Variants in CREBRF observed in about 807,000 individuals in gnomAD.
The protein encoded by CREBRF is CREB3 regulatory factor, also known as UPF0474 protein C5orf41.
A neutral mutation model predicts 66.1 loss-of-function variants in CREBRF; 5 were observed. The observed-to-expected ratio is 0.08, with a 90% CI of 0.04 to 0.16. CREBRF has a LOEUF of 0.16. Among genes scored for constraint, CREBRF ranks in the 10% least tolerant of loss-of-function variants. The probability of loss-of-function intolerance (pLI) is 1.00; values close to 1 mark genes in which losing one functional copy is unlikely to be tolerated. For missense variants in CREBRF, 531 were observed against 744.9 expected (o/e 0.71, Z 3.34); for synonymous variants, 229 against 264.4 (o/e 0.87, Z 1.30).
chr5:173,115,184 G>A (rs191234053), intron 7 of CREBRF, among the ~76,000 whole-genome samples: 3 of 148,636 alleles, frequency 2.0e-5, no homozygotes, highest in Admixed American at 1.4e-4. Context: ...TCGGCTCACC[G>A]CAACCTCTGC....
At chr5:173,082,592 AAAAAAAGAAAATACT>A (rs1460992981) in intron 2 of CREBRF, among the ~76,000 whole-genome samples, 3 of 151,808 alleles carry the variant, frequency 2.0e-5, no homozygotes, top group African/African-American at 7.3e-5. Context: ...CTTGCAAAAA[AAAAAAAGAAAATACT>A]AAAAAAGAGA....
chr5:173,089,310 T>C (rs904160264), intron 3 of CREBRF, among the ~76,000 whole-genome samples: 4 of 151,910 alleles, frequency 2.6e-5, no homozygotes, highest in African/African-American at 9.7e-5. Context: ...TGCCTCCACC[T>C]TCCAAACCTT....
At chr5:173,110,948 A>C (rs1397428735) in intron 6 of CREBRF, among the ~76,000 whole-genome samples, 2 of 152,166 alleles carry the variant, frequency 1.3e-5, no homozygotes, top group African/African-American at 2.4e-5. Flanking sequence ...AACAATAAAA[A>C]ATTTTTTCAT....
intron 1 of CREBRF, among the ~76,000 whole-genome samples, chr5:173,078,168 C>T (rs1164403058): frequency 6.6e-6 from 1 of 152,196 alleles, no homozygotes; most frequent in African/African-American, 2.4e-5. Flanking sequence ...TGCAATCCTA[C>T]CAGCAAATGC....
chr5:173,104,070 T>A (rs1381375104), intron 4 of CREBRF, among the ~76,000 whole-genome samples: 1 of 152,206 alleles, frequency 6.6e-6, no homozygotes, highest in Non-Finnish European at 1.5e-5. Context: ...GTATATTAGG[T>A]ACTGGCTATA....
intron 1 of CREBRF, among the ~76,000 whole-genome samples, chr5:173,071,149 TA>T (rs1386342948): frequency 6.6e-6 from 1 of 152,026 alleles, no homozygotes; most frequent in Non-Finnish European, 1.5e-5. Context: ...AAAATCAGTC[TA>T]ATATTAGACT....
At chr5:173,059,278 TTTTG>T in intron 1 of CREBRF, among the ~76,000 whole-genome samples, 2 of 138,510 alleles carry the variant, frequency 1.4e-5, no homozygotes, top group Admixed American at 7.4e-5. Flanking sequence ...TTTTTTTTTT[TTTTG>T]AGACGGAGTT....
intron 8 of CREBRF, 84 bp downstream of exon 8, chr5:173,123,286 G>A (rs1581046582): frequency 2.9e-6 from 4 of 1,391,258 alleles, no homozygotes; most frequent in East Asian, 5.2e-5. Flanking sequence ...AGTTCTTTTA[G>A]TTTAAGGAAA....
At position 173,121,203 on chromosome 5, in the gene CREBRF, C is replaced by CA. The variant is rs143303373; in HGVS notation, c.1682-1876dup. On this transcript the variant is annotated intron_variant, in intron 7 of 8. Coordinates refer to ENST00000296953, the MANE Select transcript of CREBRF (RefSeq NM_153607.3). ...TGGATCTACCTGGGTAGGGGGTTGTCAGTGTTATTGATCATTTCAAGGAAC... is the reference window on the plus strand; with the variant it reads ...TGGATCTACCTGGGTAGGGGGTTGTCAAGTGTTATTGATCATTTCAAGGAAC... 1.5e-4 allele frequency among the ~76,000 whole-genome samples: 23 copies of CA among 152,098 alleles called. No individual in the cohort carries two copies. The East Asian group carries it at 4.4e-3, about 29-fold the overall frequency.
Position 173,138,957 on chromosome 5 carries a change from C to T in CREBRF, c.*5212C>T, listed in dbSNP as rs980138198. 3 of 151,522 alleles carry T rather than the reference C, an allele frequency of 2.0e-5. No homozygotes were observed. Among genetic ancestry groups the T allele is most frequent in the Admixed American group, 6.6e-5 (1 of 15,210 alleles). The allele number at this position is 151,522 out of a possible 1,614,324, so 9.4% of individuals were successfully genotyped here. A position where few individuals can be genotyped will look rare whatever the true frequency, so the allele number is the denominator to read the frequency against. ...TGTGGCAACCTCTTTTGCATAGTTG[C>T]GTAGGATCCTGTTTGTAATGCTATC... is the stretch of plus-strand genomic sequence containing the variant. On this transcript the variant is annotated 3_prime_UTR_variant, in exon 9 of 9. Coordinates refer to ENST00000296953, the MANE Select transcript of CREBRF (RefSeq NM_153607.3).
At chr5:173,118,018 A>C (rs1091969) in intron 7 of CREBRF, among the ~76,000 whole-genome samples, 73,843 of 151,670 alleles carry the variant, frequency 0.49, 19,111 homozygotes, top group Non-Finnish European at 0.58. Flanking sequence ...GGACTACAGG[A>C]GTCTGCCACC....
intron 1 of CREBRF, chr5:173,068,139 A>G (rs1304397993): frequency 4.4e-6 from 2 of 454,160 alleles, no homozygotes; most frequent in Non-Finnish European, 8.9e-6. Flanking sequence ...CAAGTTAAAA[A>G]CTAACGAGTT....
At chr5:173,060,929 T>A (rs1757250546) in intron 1 of CREBRF, among the ~76,000 whole-genome samples, 1 of 152,178 alleles carries the variant, frequency 6.6e-6, no homozygotes, top group Non-Finnish European at 1.5e-5. Flanking sequence ...CGGCTATAGT[T>A]TGTCAGCCCC....
intron 2 of CREBRF, among the ~76,000 whole-genome samples, chr5:173,084,380 C>G (rs1185324571): frequency 6.6e-6 from 1 of 152,200 alleles, no homozygotes; most frequent in Non-Finnish European, 1.5e-5. Flanking sequence ...AACCAGGGAA[C>G]AGCTTCAACA....
At chr5:173,089,211 C>G (rs779499431) in intron 3 of CREBRF, among the ~76,000 whole-genome samples, 2 of 146,908 alleles carry the variant, frequency 1.4e-5, no homozygotes, top group Non-Finnish European at 3.0e-5. Flanking sequence ...AACCCATACA[C>G]AGACAACACA....
intron 1 of CREBRF, among the ~76,000 whole-genome samples, chr5:173,062,839 C>T (rs1405080486): frequency 6.6e-6 from 1 of 150,492 alleles, no homozygotes; most frequent in African/African-American, 2.4e-5. Flanking sequence ...GCTCTGCCTC[C>T]CGGGTTCACG....
At chr5:173,095,068 C>G (rs1487706415) in intron 4 of CREBRF, among the ~76,000 whole-genome samples, 2 of 151,768 alleles carry the variant, frequency 1.3e-5, no homozygotes, top group Non-Finnish European at 2.9e-5. Flanking sequence ...TTTCTGGCAC[C>G]TTTGCCAAGA....
intron 8 of CREBRF, among the ~76,000 whole-genome samples, chr5:173,126,732 A>G (rs975913786): frequency 6.6e-6 from 1 of 152,208 alleles, no homozygotes; most frequent in Non-Finnish European, 1.5e-5. Context: ...ATTGATAAAT[A>G]TTGATAATGC....
intron 4 of CREBRF, among the ~76,000 whole-genome samples, chr5:173,100,586 G>A (rs998397585): frequency 3.3e-5 from 5 of 151,616 alleles, no homozygotes; most frequent in African/African-American, 1.2e-4. Context: ...ACCACGCCCT[G>A]CTAATTTTTG....
Sources: allele counts gnomAD v4.1 joint callset (sites outside exome capture counted in the v4.1 genomes callset), GRCh38; gene constraint gnomAD v4.1.1; transcripts MANE v1.5; gene names NCBI Gene and HGNC (gene_info 2026-07-23, HGNC 2026-07-21).